HNF4G: variants seen among roughly 807,000 people sequenced by gnomAD.
HNF4G encodes hepatocyte nuclear factor 4 gamma, also known as hepatocyte nuclear factor 4-gamma.
In HNF4G, 21 loss-of-function variants were observed where a neutral mutation model predicts 50.9. The ratio of observed to expected loss-of-function variants is 0.41; its 90% CI spans 0.29 to 0.59. The LOEUF is 0.59. Among genes scored for constraint, HNF4G ranks in the 20% least tolerant of loss-of-function variants. The probability of loss-of-function intolerance (pLI) is 0.26; values close to 1 mark genes in which losing one functional copy is unlikely to be tolerated. For missense variants in HNF4G, 527 were observed against 559.4 expected (o/e 0.94, Z 0.58); for synonymous variants, 198 against 185.6 (o/e 1.07, Z -0.54).
rs556972714 is a variant in HNF4G, at chr8:75,515,956, G to C, written c.-24+25748G>C. 4.3e-4 allele frequency among the ~76,000 whole-genome samples: 65 copies of C among 152,226 alleles called. 1 individual carries two copies. Among genetic ancestry groups the C allele is most frequent in the African/African-American group, 1.5e-3 (63 of 41,554 alleles). On this transcript the variant is annotated intron_variant, in intron 2 of 10. Coordinates refer to the HNF4G transcript ENST00000354370. Reference sequence around the variant, plus strand: ...AATTTTGTATTTTTAGTAGAGACAGGGTTTCTCATCTTGGTCAGGCTGGTC... The same window carrying C: ...AATTTTGTATTTTTAGTAGAGACAGCGTTTCTCATCTTGGTCAGGCTGGTC...
chr8:75,439,667 T>G (rs1811227481), intron 1 of HNF4G, among the ~76,000 whole-genome samples: 1 of 152,040 alleles, frequency 6.6e-6, no homozygotes, highest in South Asian at 2.1e-4. Flanking sequence ...GGTTTAATAA[T>G]TGCAAAGATA....
At chr8:75,553,306 CA>C in intron 5 of HNF4G, 109 bp downstream of exon 5, 1 of 869,514 alleles carries the variant, frequency 1.2e-6, no homozygotes, top group East Asian at 2.7e-5. Flanking sequence ...CTGTATTTGG[CA>C]AAAGATAAAT....
At chr8:75,421,221 G>A (rs1810767924) in intron 1 of HNF4G, among the ~76,000 whole-genome samples, 1 of 152,132 alleles carries the variant, frequency 6.6e-6, no homozygotes, top group South Asian at 2.1e-4. Context: ...GGAAATCTGT[G>A]CATTTTACAC....
At chr8:75,440,676 G>A (rs1362987934) in intron 1 of HNF4G, among the ~76,000 whole-genome samples, 1 of 152,120 alleles carries the variant, frequency 6.6e-6, no homozygotes, top group Non-Finnish European at 1.5e-5. Flanking sequence ...TTATACTGCT[G>A]TCAATAAATT....
intron 1 of HNF4G, among the ~76,000 whole-genome samples, chr8:75,413,991 A>G (rs748742483): frequency 4.9e-4 from 75 of 152,174 alleles, no homozygotes; most frequent in Non-Finnish European, 6.6e-4. Flanking sequence ...TTAAATATAA[A>G]TTCTTTATTT....
At chr8:75,484,654 G>A (rs937424399) in intron 1 of HNF4G, among the ~76,000 whole-genome samples, 2 of 152,098 alleles carry the variant, frequency 1.3e-5, no homozygotes, top group African/African-American at 4.8e-5. Context: ...TCACCTTGTG[G>A]TATCTTTCAA....
At chr8:75,529,861 T>A (rs1011186005) in intron 2 of HNF4G, among the ~76,000 whole-genome samples, 3 of 152,136 alleles carry the variant, frequency 2.0e-5, no homozygotes, top group Non-Finnish European at 4.4e-5. Context: ...TTTAAAAATA[T>A]TTAATTTTTA....
chr8:75,558,421 A>AT, intron 6 of HNF4G, 97 bp from the exon 7 acceptor site: 1 of 1,122,508 alleles, frequency 8.9e-7, no homozygotes, highest in Non-Finnish European at 1.3e-6. Flanking sequence ...AGGGTAGACT[A>AT]TTTTAAACAC....
chr8:75,547,812 A>T (rs1806832418), intron 3 of HNF4G, 131 bp downstream of exon 3: 2 of 632,004 alleles, frequency 3.2e-6, no homozygotes, highest in Admixed American at 5.5e-5. Flanking sequence ...GGAATCTATG[A>T]TTCCTCAAGT....
At chr8:75,546,595 G>C (rs1214885442) in intron 2 of HNF4G, among the ~76,000 whole-genome samples, 1 of 151,894 alleles carries the variant, frequency 6.6e-6, no homozygotes, top group Non-Finnish European at 1.5e-5. Context: ...AGGACATTTT[G>C]TATAAACAAA....
At chr8:75,409,359 T>C (rs1277901958) in intron 1 of HNF4G, among the ~76,000 whole-genome samples, 2 of 152,098 alleles carry the variant, frequency 1.3e-5, no homozygotes, top group Non-Finnish European at 2.9e-5. Context: ...CTCACAAATA[T>C]TGCATTTTTA....
In HNF4G at chr8:75,481,666, AG is replaced by A. The variant is rs1812383046; in HGVS notation, c.-143-8418del. On this transcript the variant is annotated intron_variant, in intron 1 of 10. Coordinates refer to the HNF4G transcript ENST00000354370. The stretch of plus-strand genomic sequence containing the variant: ...TCTAGGATGTACACATTTCATCAAG[AG>A]GGGGTGTCACAGCCTTAGTGAGATT... Among the ~76,000 whole-genome samples the A allele has an allele frequency of 2.0e-5, 3 of 152,152 alleles. No individual in the cohort carries two copies. In the South Asian group the frequency reaches 6.2e-4, roughly 32 times the overall value.
In HNF4G at chr8:75,486,132, C is replaced by A. The variant is rs183672465; in HGVS notation, c.-143-3957C>A. 1.3e-3 allele frequency among the ~76,000 whole-genome samples: 204 copies of A among 152,230 alleles called. 1 individual carries two copies. The highest frequency in any genetic ancestry group is 1.7e-3 in the Non-Finnish European group (115 of 68,020). ...ATGAATGACTGAATGAATTACAGTC[C>A]CTGCCTTAACTGGATTCTTAATTTC... On this transcript the variant is annotated intron_variant, in intron 1 of 10. Transcript: ENST00000354370.
chr8:75,473,309 A>AT (rs1224654181), intron 1 of HNF4G, among the ~76,000 whole-genome samples: 1 of 152,088 alleles, frequency 6.6e-6, no homozygotes, highest in African/African-American at 2.4e-5. Flanking sequence ...AAAAAAAAAA[A>AT]GTGTCATTAT....
intron 1 of HNF4G, among the ~76,000 whole-genome samples, chr8:75,454,661 T>C (rs1811677420): frequency 6.6e-6 from 1 of 152,192 alleles, no homozygotes; most frequent in South Asian, 2.1e-4. Flanking sequence ...GTCTCTTAAG[T>C]GTCATTCTCT....
At chr8:75,424,129 TTTC>T (rs1241431020) in intron 1 of HNF4G, among the ~76,000 whole-genome samples, 1 of 152,046 alleles carries the variant, frequency 6.6e-6, no homozygotes, top group African/African-American at 2.4e-5. Context: ...CCCTGTCCAG[TTTC>T]TTATGTGTGT....
chr8:75,522,270 T>C (rs865778400), intron 2 of HNF4G, among the ~76,000 whole-genome samples: 2 of 152,232 alleles, frequency 1.3e-5, no homozygotes, highest in African/African-American at 2.4e-5. Flanking sequence ...ATTATGATGA[T>C]CTGTAAGAGC....
rs1304417643 is a variant in HNF4G at position 75,564,752 on chromosome 8, T to C, written c.*656T>C. 1 of 152,222 alleles carries C rather than the reference T, an allele frequency of 6.6e-6. No individual in the cohort carries two copies. Among genetic ancestry groups the C allele is most frequent in the African/African-American group, 2.4e-5 (1 of 41,468 alleles). 9.4% of individuals were successfully genotyped at this position (152,222 alleles called of 1,614,324 possible). On this transcript the variant is annotated 3_prime_UTR_variant, in exon 10 of 10. Transcript: ENST00000396423. Reference sequence around the variant, plus strand: ...TGAAGATGTATGTTAAGCAAAAACATGTTGCTTTTATCAGTTAGGATACAG... The same window carrying C: ...TGAAGATGTATGTTAAGCAAAAACACGTTGCTTTTATCAGTTAGGATACAG...
intron 2 of HNF4G, among the ~76,000 whole-genome samples, chr8:75,545,226 C>G (rs1194327830): frequency 7.3e-6 from 1 of 136,108 alleles, no homozygotes; most frequent in Non-Finnish European, 1.6e-5. Context: ...GTCAGGTGCT[C>G]TGTTAAAATT....
Sources: allele counts gnomAD v4.1 joint callset (sites outside exome capture counted in the v4.1 genomes callset), GRCh38; gene constraint gnomAD v4.1.1; transcripts MANE v1.5; gene names NCBI Gene and HGNC (gene_info 2026-07-23, HGNC 2026-07-21).